RBFOX2: variants seen among roughly 807,000 people sequenced by gnomAD.
The protein encoded by RBFOX2 is RNA binding fox-1 homolog 2.
Under a neutral mutation model 49.1 loss-of-function variants are expected in RBFOX2, and 10 were observed. The observed-to-expected ratio is 0.20, with a 90% confidence interval of 0.13 to 0.35. The LOEUF is 0.35. Among genes scored for constraint, RBFOX2 ranks in the 10% least tolerant of loss-of-function variants. The probability of loss-of-function intolerance (pLI) is 1.00; values close to 1 mark genes in which losing one functional copy is unlikely to be tolerated. For synonymous variants in RBFOX2, 183 were observed against 187.4 expected (o/e 0.98, Z 0.19); for missense variants, 323 against 486.9 (o/e 0.66, Z 3.17).
At position 35,846,330 on chromosome 22, in the gene RBFOX2, TTGTGTGTG is replaced by T. The variant is rs35272106; in HGVS notation, c.-33-36334_-33-36327del. Among the ~76,000 whole-genome samples the T allele has an allele frequency of 2.5e-3, 356 of 140,448 alleles. 3 individuals carry two copies. Among genetic ancestry groups the T allele is most frequent in the African/African-American group, 7.5e-3 (289 of 38,354 alleles). The allele number at this position is 140,448 out of a possible 152,430, so 92.1% of individuals were successfully genotyped here. Reference sequence around the variant, plus strand: ...TATATAAGTAAATAAATTTATATAGTTGTGTGTGTGTGTGTGTGTGTGTGTGTGTGTGT... The same window carrying T: ...TATATAAGTAAATAAATTTATATAGTTGTGTGTGTGTGTGTGTGTGTGTGT... On this transcript the variant is annotated intron_variant, in intron 1 of 13. Transcript: ENST00000359369.
chr22:35,809,829 T>C (rs756358631), exon 2 of RBFOX2: 2 of 1,614,114 alleles, frequency 1.2e-6, no homozygotes, highest in East Asian at 2.2e-5. Flanking sequence ...CTGCTCCCCG[T>C]GGGCTTGCGT....
At chr22:35,916,208 T>C (rs1260038424) in intron 1 of RBFOX2, among the ~76,000 whole-genome samples, 2 of 152,238 alleles carry the variant, frequency 1.3e-5, no homozygotes, top group African/African-American at 4.8e-5. Flanking sequence ...GACTTGCTCT[T>C]CTCTAAAGCC....
intron 2 of RBFOX2, among the ~76,000 whole-genome samples, chr22:35,800,284 C>A (rs935333669): frequency 1.4e-4 from 21 of 152,152 alleles, no homozygotes; most frequent in Non-Finnish European, 1.0e-4. Context: ...CGTCTGCCTG[C>A]TCCTCTATTC....
intron 1 of RBFOX2, among the ~76,000 whole-genome samples, chr22:35,862,358 G>C (rs532982476): frequency 4.7e-5 from 7 of 149,818 alleles, no homozygotes; most frequent in Non-Finnish European, 1.0e-4. Context: ...ATTTTTGAAG[G>C]GTTAGTTATT....
chr22:35,905,931 G>T (rs1166600902), intron 1 of RBFOX2, among the ~76,000 whole-genome samples: 3 of 152,112 alleles, frequency 2.0e-5, no homozygotes, highest in African/African-American at 7.2e-5. Flanking sequence ...TTGCCATTGT[G>T]TTACAATTGC....
upstream of RBFOX2, among the ~76,000 whole-genome samples, chr22:35,841,064 A>C (rs2148860377): frequency 6.6e-6 from 1 of 152,174 alleles, no homozygotes; most frequent in East Asian, 1.9e-4. Flanking sequence ...TTTTCCTACT[A>C]TAAAAAATAC....
intron 1 of RBFOX2, among the ~76,000 whole-genome samples, chr22:36,011,458 T>C (rs957968489): frequency 1.3e-5 from 2 of 152,180 alleles, no homozygotes; most frequent in African/African-American, 4.8e-5. Context: ...TAGACCAGAA[T>C]CTTAAGTCCA....
intron 1 of RBFOX2, among the ~76,000 whole-genome samples, chr22:35,894,112 T>C (rs1431074369): frequency 6.6e-6 from 1 of 152,146 alleles, no homozygotes; most frequent in African/African-American, 2.4e-5. Flanking sequence ...TCCCAGAAAG[T>C]TTCTCTCCAT....
At chr22:35,975,041 A>C (rs1029608179) in intron 1 of RBFOX2, among the ~76,000 whole-genome samples, 4 of 152,198 alleles carry the variant, frequency 2.6e-5, no homozygotes, top group African/African-American at 9.6e-5. Context: ...TTTCCAATCC[A>C]TCAGGGAATC....
intron 1 of RBFOX2, among the ~76,000 whole-genome samples, chr22:35,986,666 T>G (rs889413633): frequency 2.6e-5 from 4 of 152,164 alleles, no homozygotes; most frequent in Non-Finnish European, 5.9e-5. Flanking sequence ...GTAAATGAGA[T>G]AATGGAAAAG....
intron 1 of RBFOX2, among the ~76,000 whole-genome samples, chr22:36,007,543 A>G (rs139057638): frequency 2.0e-4 from 31 of 152,340 alleles, no homozygotes; most frequent in African/African-American, 7.2e-4. Context: ...TTTTAAAACA[A>G]GTAATACATG....
chr22:35,951,632 G>GAA (rs200649457), intron 1 of RBFOX2, among the ~76,000 whole-genome samples: 2 of 151,616 alleles, frequency 1.3e-5, no homozygotes, highest in African/African-American at 4.8e-5. Context: ...CAAGTGAGCT[G>GAA]AAAAAAAATG....
At chr22:35,906,551 T>C (rs2049145331) in intron 1 of RBFOX2, among the ~76,000 whole-genome samples, 1 of 152,224 alleles carries the variant, frequency 6.6e-6, no homozygotes, top group Non-Finnish European at 1.5e-5. Context: ...CCTGGCACAG[T>C]GGCTCATGTC....
intron 1 of RBFOX2, among the ~76,000 whole-genome samples, chr22:35,815,317 T>G (rs780303962): frequency 8.5e-5 from 13 of 152,332 alleles, no homozygotes; most frequent in South Asian, 8.3e-4. Context: ...TTTAGCATAT[T>G]TTCTGTTCCT....
intron 1 of RBFOX2, among the ~76,000 whole-genome samples, chr22:35,951,814 A>T (rs2054977194): frequency 6.6e-6 from 1 of 152,020 alleles, no homozygotes; most frequent in African/African-American, 2.4e-5. Context: ...TCTGTCTTAC[A>T]TTAAAGTCCC....
chr22:35,983,784 C>G (rs928317597), intron 1 of RBFOX2, among the ~76,000 whole-genome samples: 3 of 152,108 alleles, frequency 2.0e-5, no homozygotes, highest in African/African-American at 7.2e-5. Context: ...AGAACTATGA[C>G]CCATGACCAT....
At chr22:35,927,351 T>C (rs565966723) in intron 1 of RBFOX2, among the ~76,000 whole-genome samples, 70 of 152,262 alleles carry the variant, frequency 4.6e-4, no homozygotes, top group African/African-American at 1.7e-3. Context: ...ACGCCTATAA[T>C]CCCAGCCCTT....
At chr22:35,987,865 T>C (rs931556320) in intron 1 of RBFOX2, among the ~76,000 whole-genome samples, 2 of 152,232 alleles carry the variant, frequency 1.3e-5, no homozygotes, top group African/African-American at 2.4e-5. Flanking sequence ...AAGTCTGATA[T>C]GCCTTTTCTT....
At chr22:35,977,068 T>C (rs1383926958) in intron 1 of RBFOX2, among the ~76,000 whole-genome samples, 1 of 150,152 alleles carries the variant, frequency 6.7e-6, no homozygotes, top group Admixed American at 6.6e-5. Flanking sequence ...GACTGACAAA[T>C]ATGCAAATGA....
Sources: gnomAD v4.1 joint callset for allele counts (sites outside exome capture counted in the v4.1 genomes callset) on GRCh38, gnomAD v4.1.1 for gene constraint, MANE v1.5 for transcripts, NCBI Gene and HGNC (gene_info 2026-07-23, HGNC 2026-07-21) for gene names.